MARK1: variants seen among roughly 807,000 people sequenced by gnomAD.
The protein encoded by MARK1 is serine/threonine-protein kinase MARK1.
MARK1 carries 40 observed loss-of-function variants against 96.3 expected under a neutral mutation model. That is an observed-to-expected ratio of 0.42 (90% confidence interval 0.32 to 0.54). MARK1 has a LOEUF of 0.54. Among genes scored for constraint, MARK1 ranks in the 20% least tolerant of loss-of-function variants. The probability of loss-of-function intolerance (pLI) is 0.16; values close to 1 mark genes in which losing one functional copy is unlikely to be tolerated. For synonymous variants in MARK1, 317 were observed against 341.2 expected, an observed-to-expected ratio of 0.93 and a Z score of 0.78; for missense variants, 719 against 984.6, an observed-to-expected ratio of 0.73 and a Z score of 3.61.
Position 220,618,628 on chromosome 1 carries a change from T to G in MARK1, c.790-8T>G. On this transcript the variant is annotated splice_region_variant and splice_polypyrimidine_tract_variant and intron_variant, in intron 8 of 17. Coordinates refer to ENST00000366917, the MANE Select transcript of MARK1 (RefSeq NM_018650.5). This position sits in a 1 kb window ranked among gnomAD's most constrained non-coding sequence, Gnocchi z 4.6. ...CAGTTATAAGTGCTTTCTTTCACTT[T>G]TATTAAGGAACTGCGAGAGCGAGTT... is the stretch of plus-strand genomic sequence containing the variant. The G allele has an allele frequency of 6.2e-7, 1 of 1,613,706 alleles. No individual in the cohort carries two copies. Among genetic ancestry groups the G allele is most frequent in the Non-Finnish European group, 8.5e-7 (1 of 1,179,916 alleles).
intron 13 of MARK1, among the ~76,000 whole-genome samples, chr1:220,647,402 G>A (rs889595720): frequency 1.3e-5 from 2 of 152,156 alleles, no homozygotes; most frequent in Non-Finnish European, 2.9e-5. Context: ...AGAAACAACA[G>A]ATGCTGGCAA....
intron 10 of MARK1, among the ~76,000 whole-genome samples, chr1:220,631,976 T>TA (rs1388688024): frequency 6.6e-6 from 1 of 152,210 alleles, no homozygotes; most frequent in Admixed American, 6.5e-5. Context: ...GGCCCATTAA[T>TA]ATATTAACCA....
intron 13 of MARK1, among the ~76,000 whole-genome samples, chr1:220,636,494 A>G (rs990930248): frequency 1.4e-4 from 21 of 152,144 alleles, no homozygotes; most frequent in African/African-American, 4.6e-4. Context: ...TATAAAAGAA[A>G]ACTAAGATAT....
chr1:220,636,211 T>C (rs2103017478), intron 13 of MARK1, among the ~76,000 whole-genome samples, 185 bp downstream of exon 13: 1 of 152,310 alleles, frequency 6.6e-6, no homozygotes, highest in East Asian at 1.9e-4. Context: ...AAGAATTCTT[T>C]TTTGCATGCG....
rs773798101 is a variant in MARK1 at position 220,581,038 on chromosome 1, T to C, written c.256-27T>C. 3.9e-6 allele frequency: 4 copies of C among 1,036,976 alleles called. No homozygotes were observed. In the East Asian group the frequency reaches 8.5e-5, roughly 22 times the overall value. The allele number at this position is 1,036,976 out of a possible 1,614,324, so 64.2% of individuals were successfully genotyped here. A position where few individuals can be genotyped will look rare whatever the true frequency, so the allele number is the denominator to read the frequency against. ...TTCATTAAAATATGCATTTTTCAAA[T>C]AGAGTTTAATGATTCTTCTTTTTTA... is the stretch of plus-strand genomic sequence containing the variant. On this transcript the variant is annotated intron_variant, in intron 2 of 17. Coordinates refer to ENST00000366917, the MANE Select transcript of MARK1 (RefSeq NM_018650.5).
intron 1 of MARK1, among the ~76,000 whole-genome samples, chr1:220,554,637 G>A (rs2589584): frequency 0.98 from 149,324 of 152,326 alleles, 73,260 homozygotes; most frequent in East Asian, 1. Context: ...TTTACTAACA[G>A]TTATAAATAA....
intron 11 of MARK1, among the ~76,000 whole-genome samples, chr1:220,632,996 G>A (rs1419783344): frequency 1.3e-5 from 2 of 152,202 alleles, no homozygotes; most frequent in Non-Finnish European, 2.9e-5. Flanking sequence ...AGGGCCTCAG[G>A]AAGCTTACAG....
At chr1:220,586,993 T>C (rs1664666052) in intron 3 of MARK1, among the ~76,000 whole-genome samples, 1 of 152,196 alleles carries the variant, frequency 6.6e-6, no homozygotes, top group Admixed American at 6.5e-5. Context: ...ATCTTGTTTT[T>C]AAAGAAATAA....
At chr1:220,544,795 G>A (rs1661368689) in intron 1 of MARK1, among the ~76,000 whole-genome samples, 1 of 152,192 alleles carries the variant, frequency 6.6e-6, no homozygotes, top group African/African-American at 2.4e-5. Context: ...TATGGTGACA[G>A]GTTTAACAAG....
intron 1 of MARK1, among the ~76,000 whole-genome samples, chr1:220,542,853 T>G (rs536831763): frequency 1.3e-5 from 2 of 152,304 alleles, no homozygotes; most frequent in Admixed American, 6.5e-5. Context: ...CTGGAATAAG[T>G]TTTTTGTAAA....
At chr1:220,590,226 C>CT (rs1664897837) in intron 3 of MARK1, among the ~76,000 whole-genome samples, 1 of 152,148 alleles carries the variant, frequency 6.6e-6, no homozygotes, top group African/African-American at 2.4e-5. Flanking sequence ...TAGACATTTG[C>CT]TTAAGATGTG....
Position 220,631,117 on chromosome 1 carries a change from A to G in MARK1, c.992A>G (p.Asn331Ser), listed in dbSNP as rs376482473. ...TATACTGAGCCTGATCCGGATTTCA[A>G]TGACACAAAAAGAATAGGTAAGTAT... ...KPYTEPDPDF[N>S]DTKRIDIMVT... Residue 331 changes from asparagine (N) to serine (S), a missense_variant, in exon 10 of 18, where the codon AAT (asparagine) becomes AGT (serine). By Grantham distance (46) the Asn-to-Ser change is conservative. Transcript: ENST00000366917. The G allele has an allele frequency of 1.9e-5, 31 of 1,611,562 alleles. No individual in the cohort carries two copies. The highest frequency in any genetic ancestry group is 1.2e-4 in the Admixed American group (7 of 59,902).
chr1:220,597,826 G>A (rs1665479517), intron 3 of MARK1, among the ~76,000 whole-genome samples: 1 of 151,966 alleles, frequency 6.6e-6, no homozygotes, highest in Non-Finnish European at 1.5e-5. Context: ...ATTAGTAAAT[G>A]TGTTTTTATT....
At chr1:220,613,930 C>T (rs552365159) in intron 6 of MARK1, among the ~76,000 whole-genome samples, 1 of 152,180 alleles carries the variant, frequency 6.6e-6, no homozygotes, top group South Asian at 2.1e-4. Flanking sequence ...TTTCCACCTC[C>T]TTTTCTTTAA....
At chr1:220,564,554 A>G (rs557894845) in intron 1 of MARK1, among the ~76,000 whole-genome samples, 10 of 152,292 alleles carry the variant, frequency 6.6e-5, no homozygotes, top group Middle Eastern at 3.4e-3. Flanking sequence ...GGATGGTACA[A>G]GGTAGATAAG....
chr1:220,535,668 C>A (rs1047660940), intron 1 of MARK1, among the ~76,000 whole-genome samples: 2 of 152,040 alleles, frequency 1.3e-5, no homozygotes, highest in Non-Finnish European at 2.9e-5. Context: ...AATCTTTAAT[C>A]CCTTTTGAGA....
At chr1:220,555,334 A>G (rs1201513234) in intron 1 of MARK1, among the ~76,000 whole-genome samples, 2 of 152,216 alleles carry the variant, frequency 1.3e-5, no homozygotes, top group African/African-American at 4.8e-5. Context: ...ATATGACTTA[A>G]TTTATGTCTC....
At chr1:220,530,361 A>G (rs1660233679) in intron 1 of MARK1, among the ~76,000 whole-genome samples, 1 of 152,124 alleles carries the variant, frequency 6.6e-6, no homozygotes, top group Admixed American at 6.5e-5. Context: ...AAAGATGGAT[A>G]TTTTGGTTTG....
intron 1 of MARK1, among the ~76,000 whole-genome samples, chr1:220,555,960 C>G (rs76906768): frequency 6.6e-6 from 1 of 152,250 alleles, no homozygotes; most frequent in African/African-American, 2.4e-5. Context: ...AATATAATTT[C>G]TGAAAGTTTA....
Sources: gnomAD v4.1 joint callset for allele counts (sites outside exome capture counted in the v4.1 genomes callset) on GRCh38, gnomAD v4.1.1 for gene constraint, Gnocchi (gnomAD v3.1) non-coding constraint, MANE v1.5 for transcripts, NCBI Gene and HGNC (gene_info 2026-07-23, HGNC 2026-07-21) for gene names.